PPM1G: variants seen among roughly 807,000 people sequenced by gnomAD.
The protein encoded by PPM1G is protein phosphatase, Mg2+/Mn2+ dependent 1G.
In PPM1G, 12 loss-of-function variants were observed where a neutral mutation model predicts 59.4. The ratio of observed to expected loss-of-function variants is 0.20; its 90% CI spans 0.13 to 0.33. The LOEUF (loss-of-function observed/expected upper bound fraction) is 0.33. Among genes scored for constraint, PPM1G ranks in the 10% least tolerant of loss-of-function variants. The pLI is 1.00. For synonymous variants in PPM1G, 245 were observed against 251.9 expected, an observed-to-expected ratio of 0.97 and a Z score of 0.26; for missense variants, 392 against 681.3, an observed-to-expected ratio of 0.58 and a Z score of 4.73.
intron 1 of PPM1G, among the ~76,000 whole-genome samples, chr2:27,392,611 T>TGGGG (rs35793123): frequency 5.7e-4 from 59 of 102,744 alleles, no homozygotes; most frequent in African/African-American, 1.4e-3. Context: ...ATTTTTTTTT[T>TGGGG]GGGGGGGGGG....
rs370275172 is a variant in PPM1G at position 27,409,268 on chromosome 2, C to G, written c.120+35G>C. ...CTCTTTCTCCGTCAGATTCCCGCCC[C>G]GCAGCGGCCAGCCTATGGGCCCCTG... On this transcript the variant is annotated intron_variant, in intron 1 of 9. Coordinates refer to ENST00000344034, the MANE Select transcript of PPM1G (RefSeq NM_177983.3). 13 of 1,544,456 alleles carry G rather than the reference C, an allele frequency of 8.4e-6. No homozygotes were observed. In the African/African-American group the frequency reaches 1.8e-4, roughly 22 times the overall value.
intron 3 of PPM1G, 117 bp downstream of exon 3, chr2:27,386,077 C>T (rs555866366): frequency 3.1e-5 from 39 of 1,252,156 alleles, no homozygotes; most frequent in South Asian, 2.8e-4. Context: ...GAACAGAATT[C>T]TTCAAGAGTA....
rs1275238061 is a variant in PPM1G, at chr2:27,385,331, C to T, written c.410-243G>A. The T allele has an allele frequency of 6.4e-6, 3 of 470,206 alleles. No homozygotes were observed. The highest frequency in any genetic ancestry group is 1.1e-5 in the Non-Finnish European group (3 of 270,490). 29.1% of individuals were successfully genotyped at this position (470,206 alleles called of 1,614,324 possible). A position where few individuals can be genotyped will look rare whatever the true frequency, so the allele number is the denominator to read the frequency against. On this transcript the variant is annotated intron_variant, in intron 4 of 9. Transcript: ENST00000344034. The surrounding 1 kb of genome is among the most constrained non-coding windows in gnomAD (Gnocchi z 4.1). ...ACTAGTTACTATACTTCCCCTCTGACGTCTCATTTTTTATTGTTAAGTTGT... is the reference window on the plus strand; with the variant it reads ...ACTAGTTACTATACTTCCCCTCTGATGTCTCATTTTTTATTGTTAAGTTGT...
chr2:27,385,564 A>G lies in PPM1G; in HGVS notation c.409+183T>C, dbSNP rs1447384386. 5 of 724,900 alleles carry G rather than the reference A, an allele frequency of 6.9e-6. No homozygotes were observed. The highest frequency in any genetic ancestry group is 5.3e-5 in the African/African-American group (3 of 56,124). The allele number at this position is 724,900 out of a possible 1,614,324, so 44.9% of individuals were successfully genotyped here. A position where few individuals can be genotyped will look rare whatever the true frequency, so the allele number is the denominator to read the frequency against. On this transcript the variant is annotated intron_variant, in intron 4 of 9. Coordinates refer to ENST00000344034, the MANE Select transcript of PPM1G (RefSeq NM_177983.3). This position sits in a 1 kb window ranked among gnomAD's most constrained non-coding sequence, Gnocchi z 4.1. Reference sequence around the variant, plus strand: ...ATGCTTACAGCTCAGATGCCACTCAACGAAGATAATTCTCTCCCTCCTTTT... The same window carrying G: ...ATGCTTACAGCTCAGATGCCACTCAGCGAAGATAATTCTCTCCCTCCTTTT...
intron 1 of PPM1G, among the ~76,000 whole-genome samples, chr2:27,396,385 G>A (rs1022698606): frequency 2.0e-5 from 3 of 152,148 alleles, no homozygotes; most frequent in Non-Finnish European, 4.4e-5. Context: ...ATAGAATGCT[G>A]TTTGCCATGA....
Position 27,383,495 on chromosome 2 carries a change from T to G in PPM1G, c.1072A>C (p.Lys358Gln), listed in dbSNP as rs1683690204. The G allele has an allele frequency of 2.5e-6, 4 of 1,614,072 alleles. No homozygotes were observed. The change falls in exon 7 of 10, where the codon AAA becomes CAA. Residue 358 changes from lysine (K) to glutamine (Q), a missense_variant. Physicochemically the swap from Lys to Gln is moderately conservative, Grantham distance 53. Coordinates refer to ENST00000344034, the MANE Select transcript of PPM1G (RefSeq NM_177983.3). The surrounding 1 kb of genome is among the most constrained non-coding windows in gnomAD (Gnocchi z 5.0). Reference sequence around the variant, plus strand: ...TGATCATAGGACATGTCTAAAGCTTTGCCAGCCTCAGATACCACACAGCGA... The same window carrying G: ...TGATCATAGGACATGTCTAAAGCTTGGCCAGCCTCAGATACCACACAGCGA... Reference protein sequence around the residue: ...DSRCVVSEAGKALDMSYDHKP... With the variant: ...DSRCVVSEAGQALDMSYDHKP...
chr2:27,392,388 A>G (rs951405072), intron 1 of PPM1G, among the ~76,000 whole-genome samples: 2 of 144,268 alleles, frequency 1.4e-5, no homozygotes, highest in Non-Finnish European at 1.5e-5. Flanking sequence ...TCCGCAGCCC[A>G]GGTTCAAGTG....
Position 27,383,719 on chromosome 2 carries a change from CAGG to C in PPM1G, c.967-122_967-120del, listed in dbSNP as rs1683694580. 4.2e-6 allele frequency: 5 copies of C among 1,179,058 alleles called. No individual in the cohort carries two copies. The highest frequency in any genetic ancestry group is 3.0e-5 in the South Asian group (2 of 65,736). 73.0% of individuals were successfully genotyped at this position (1,179,058 alleles called of 1,614,324 possible). ...GGACCCCCAAAAGAGCTTTAACAAA[CAGG>C]AGAAGCACACATTTCATCTTTCTAG... On this transcript the variant is annotated intron_variant, in intron 6 of 9. Coordinates refer to ENST00000344034, the MANE Select transcript of PPM1G (RefSeq NM_177983.3). This position sits in a 1 kb window ranked among gnomAD's most constrained non-coding sequence, Gnocchi z 5.0.
chr2:27,403,882 AAAAG>A (rs761691774), intron 1 of PPM1G, among the ~76,000 whole-genome samples: 1 of 152,180 alleles, frequency 6.6e-6, no homozygotes, highest in Non-Finnish European at 1.5e-5. Context: ...CTAAAAAAAA[AAAAG>A]AGAGAGAGAG....
Position 27,382,190 on chromosome 2 carries a change from T to C in PPM1G, c.1370A>G (p.Gln457Arg). The change falls in exon 9 of 10, where the codon CAA (glutamine) becomes CGA (arginine). Residue 457 changes from glutamine to arginine, a missense_variant. Gln to Arg is a conservative substitution (Grantham distance 43, BLOSUM62 1). Transcript: ENST00000344034. This position sits in a 1 kb window ranked among gnomAD's most constrained non-coding sequence, Gnocchi z 4.2. ...MSSQEVVDFI[Q>R]SKISQRDENG... is the part of the protein sequence containing the mutation. ...TTCATCACGCTGGCTGATCTTTGAT[T>C]GAATGAAATCTACAACTTCCTGGCT... 1 of 1,614,224 alleles carries C rather than the reference T, an allele frequency of 6.2e-7. No homozygotes were observed. The highest frequency in any genetic ancestry group is 8.5e-7 in the Non-Finnish European group (1 of 1,180,036).
chr2:27,396,302 T>C (rs1245851428), intron 1 of PPM1G, among the ~76,000 whole-genome samples: 5 of 152,102 alleles, frequency 3.3e-5, no homozygotes, highest in Non-Finnish European at 5.9e-5. Context: ...AGGCAGTCAC[T>C]AAAAGACAAA....
chr2:27,402,923 TA>T (rs59358163), intron 1 of PPM1G, among the ~76,000 whole-genome samples: 34 of 141,660 alleles, frequency 2.4e-4, no homozygotes, highest in Non-Finnish European at 2.8e-4. Context: ...AAAAAAAACT[TA>T]AAAAAAAAAA....
intron 1 of PPM1G, among the ~76,000 whole-genome samples, chr2:27,397,294 A>T (rs1457737329): frequency 7.2e-6 from 1 of 138,444 alleles, no homozygotes; most frequent in Non-Finnish European, 1.5e-5. Flanking sequence ...TGATTCACAA[A>T]CTCTCCCATC....
At chr2:27,395,512 G>C (rs764581427) in intron 1 of PPM1G, among the ~76,000 whole-genome samples, 60 of 152,128 alleles carry the variant, frequency 3.9e-4, no homozygotes, top group Non-Finnish European at 7.2e-4. Context: ...CTGGGCAATA[G>C]AGTGAGACTC....
intron 1 of PPM1G, among the ~76,000 whole-genome samples, chr2:27,395,150 CT>C (rs1684015179): frequency 7.6e-6 from 1 of 132,446 alleles, no homozygotes; most frequent in Non-Finnish European, 1.6e-5. Flanking sequence ...AGAATCACTA[CT>C]TGAATCTGGG....
Position 27,384,301 on chromosome 2 carries a change from A to G in PPM1G, c.826-209T>C, listed in dbSNP as rs1410484345. On this transcript the variant is annotated intron_variant, in intron 5 of 9. Transcript: ENST00000344034. This position sits in a 1 kb window ranked among gnomAD's most constrained non-coding sequence, Gnocchi z 4.8. Reference sequence around the variant, plus strand: ...CTGGGCTTAGCAGTCACTAGCAAAAAGCCCAGGACAAGGCAAGGGCTGCCA... The same window carrying G: ...CTGGGCTTAGCAGTCACTAGCAAAAGGCCCAGGACAAGGCAAGGGCTGCCA... Among the ~76,000 whole-genome samples the G allele has an allele frequency of 6.6e-6, 1 of 152,252 alleles. No individual in the cohort carries two copies. Among genetic ancestry groups the G allele is most frequent in the Non-Finnish European group, 1.5e-5 (1 of 68,038 alleles).
At chr2:27,407,456 G>A (rs1663409225) in intron 1 of PPM1G, among the ~76,000 whole-genome samples, 1 of 151,862 alleles carries the variant, frequency 6.6e-6, no homozygotes, top group African/African-American at 2.4e-5. Context: ...TGTAGAGACA[G>A]GGTTTTTGCC....
intron 1 of PPM1G, among the ~76,000 whole-genome samples, chr2:27,394,085 T>TG (rs1199821307): frequency 1.3e-5 from 2 of 151,340 alleles, no homozygotes; most frequent in Non-Finnish European, 2.9e-5. Flanking sequence ...TTAGCAGAGA[T>TG]GGGGTTTCAC....
intron 1 of PPM1G, among the ~76,000 whole-genome samples, chr2:27,402,900 C>T (rs144645254): frequency 0.014 from 1,937 of 141,952 alleles, 25 homozygotes; most frequent in Non-Finnish European, 0.021. Flanking sequence ...CACTGCAAGG[C>T]CCTATCTCTA....
Sources: gnomAD v4.1 joint callset for allele counts (sites outside exome capture counted in the v4.1 genomes callset) on GRCh38, gnomAD v4.1.1 for gene constraint, Gnocchi (gnomAD v3.1) non-coding constraint, MANE v1.5 for transcripts, NCBI Gene and HGNC (gene_info 2026-07-23, HGNC 2026-07-21) for gene names.